Variants in DCBLD2 observed in about 807,000 individuals in gnomAD.
DCBLD2 encodes the protein discoidin, CUB and LCCL domain containing 2, also known as discoidin, CUB and LCCL domain-containing protein 2.
Under a neutral mutation model 86.8 loss-of-function variants are expected in DCBLD2, and 54 were observed. The ratio of observed to expected loss-of-function variants is 0.62; its 90% confidence interval spans 0.50 to 0.78. DCBLD2 has a LOEUF of 0.78. DCBLD2 is among the 30% of genes least tolerant of loss of function. The probability of loss-of-function intolerance (pLI) is 0.00; values close to 1 mark genes in which losing one functional copy is unlikely to be tolerated. For synonymous variants in DCBLD2, 354 were observed against 341.3 expected, an observed-to-expected ratio of 1.04 and a Z score of -0.41; for missense variants, 908 against 954.2, an observed-to-expected ratio of 0.95 and a Z score of 0.64.
chr3:98,837,886 C>T (rs1391440750), intron 3 of DCBLD2, among the ~76,000 whole-genome samples: 711 of 127,592 alleles, frequency 5.6e-3, no homozygotes, highest in Non-Finnish European at 7.3e-3. Context: ...CCCCACCTCC[C>T]TCCCGGATGG....
chr3:98,824,728 C>T (rs995735681), intron 4 of DCBLD2, among the ~76,000 whole-genome samples: 4 of 151,990 alleles, frequency 2.6e-5, no homozygotes, highest in South Asian at 2.1e-4. Context: ...TGTGAAAGAA[C>T]GAGAAGACCA....
At chr3:98,824,553 A>G (rs1414417168) in intron 4 of DCBLD2, among the ~76,000 whole-genome samples, 1 of 152,104 alleles carries the variant, frequency 6.6e-6, no homozygotes, top group Admixed American at 6.5e-5. Context: ...TAAGTTCGGA[A>G]AAGTTAGTAA....
chr3:98,824,455 A>C (rs1321167023), intron 4 of DCBLD2, among the ~76,000 whole-genome samples: 4 of 152,108 alleles, frequency 2.6e-5, no homozygotes, highest in Non-Finnish European at 5.9e-5. Context: ...ACCCCAGCTA[A>C]CGTCCCCCTC....
intron 3 of DCBLD2, among the ~76,000 whole-genome samples, chr3:98,838,206 C>G: frequency 8.2e-6 from 1 of 121,286 alleles, no homozygotes; most frequent in East Asian, 2.6e-4. Context: ...CCTCACTTCC[C>G]AGATGGGGTG....
intron 3 of DCBLD2, among the ~76,000 whole-genome samples, chr3:98,831,254 G>A (rs1942316889): frequency 6.8e-6 from 1 of 147,884 alleles, no homozygotes; most frequent in Admixed American, 6.8e-5. Flanking sequence ...GTTTCATCAT[G>A]TCAGCCAGGC....
At chr3:98,859,587 C>A (rs1943001046) in intron 2 of DCBLD2, among the ~76,000 whole-genome samples, 2 of 152,196 alleles carry the variant, frequency 1.3e-5, no homozygotes, top group Non-Finnish European at 2.9e-5. Context: ...TGTTCTGCAG[C>A]CTCCACTGCT....
intron 1 of DCBLD2, among the ~76,000 whole-genome samples, chr3:98,898,097 C>G (rs1349994358): frequency 6.6e-6 from 1 of 151,920 alleles, no homozygotes; most frequent in Non-Finnish European, 1.5e-5. Context: ...GAACTCTACA[C>G]AAATACAAGC....
At chr3:98,849,024 C>G (rs1942781083) in intron 3 of DCBLD2, among the ~76,000 whole-genome samples, 1 of 151,990 alleles carries the variant, frequency 6.6e-6, no homozygotes, top group Non-Finnish European at 1.5e-5. Context: ...ACAAAATTAG[C>G]TGGGCATGGT....
At chr3:98,897,109 T>C (rs1943763401) in intron 1 of DCBLD2, among the ~76,000 whole-genome samples, 2 of 152,228 alleles carry the variant, frequency 1.3e-5, no homozygotes, top group Non-Finnish European at 2.9e-5. Flanking sequence ...ATTTTACTTA[T>C]GCCAATTCCA....
chr3:98,801,665 A>C lies in DCBLD2; in HGVS notation c.1671-16T>G. Reference sequence around the variant, plus strand: ...TTTTTTCTTTCTGGAAAAATACAGAAGAGAAGTTAGCAAACAGAGTAAATT... The same window carrying C: ...TTTTTTCTTTCTGGAAAAATACAGACGAGAAGTTAGCAAACAGAGTAAATT... On this transcript the variant is annotated splice_polypyrimidine_tract_variant and intron_variant, in intron 13 of 15. Coordinates refer to ENST00000326840, the MANE Select transcript of DCBLD2 (RefSeq NM_080927.4). 6.3e-7 allele frequency: 1 copy of C among 1,596,878 alleles called. No homozygotes were observed. The highest frequency in any genetic ancestry group is 1.1e-5 in the South Asian group (1 of 88,196).
At chr3:98,842,127 T>C (rs1003415359) in intron 3 of DCBLD2, among the ~76,000 whole-genome samples, 1 of 152,154 alleles carries the variant, frequency 6.6e-6, no homozygotes, top group Non-Finnish European at 1.5e-5. Context: ...AATAAGAAAA[T>C]ATAGGCCGAA....
In DCBLD2 at chr3:98,870,738, AAAG is replaced by A. The variant is rs1204324078; in HGVS notation, c.433+10799_433+10801del. ...AGAAAAAGGAAAAGAAAAGAAAGAA[AAAG>A]AAAGAAAGAAAGAAAGAAAGAAAGA... On this transcript the variant is annotated intron_variant, in intron 2 of 15. Transcript: ENST00000326840. 6.0e-4 allele frequency among the ~76,000 whole-genome samples: 8 copies of A among 13,326 alleles called. 2 individuals are homozygous for A. The South Asian group carries it at 0.013, about 21-fold the overall frequency. The allele number at this position is 13,326 out of a possible 152,430, so 8.7% of individuals were successfully genotyped here.
At chr3:98,803,713 C>T (rs1335210605) in intron 13 of DCBLD2, among the ~76,000 whole-genome samples, 19 of 152,216 alleles carry the variant, frequency 1.2e-4, no homozygotes, top group South Asian at 4.2e-4. Flanking sequence ...TTTTGGGATA[C>T]GTCCCATCAA....
chr3:98,895,229 C>G (rs973823869), intron 1 of DCBLD2: 1 of 152,208 alleles, frequency 6.6e-6, no homozygotes, highest in African/African-American at 2.4e-5. Flanking sequence ...AAATTACTTA[C>G]ATGATACGCA....
rs56369137 is a variant in DCBLD2 at position 98,797,036 on chromosome 3, TAA to T, written c.*2334_*2335del. ...ATATGTATCAGACATATAAATGTAG[TAA>T]AAAAAAAAAAAAAAAAAATAGAAAA... On this transcript the variant is annotated 3_prime_UTR_variant, in exon 16 of 16. Coordinates refer to ENST00000326840, the MANE Select transcript of DCBLD2 (RefSeq NM_080927.4). 59,339 of 132,814 alleles carry T rather than the reference TAA, an allele frequency of 0.45. 13,514 individuals are homozygous for T. The highest frequency in any genetic ancestry group is 0.71 in the East Asian group (3,165 of 4,446). The allele number at this position is 132,814 out of a possible 1,614,324, so 8.2% of individuals were successfully genotyped here.
In DCBLD2 at chr3:98,799,594, C is replaced by T. The variant is rs1941677762; in HGVS notation, c.2106G>A (p.Lys702=). ...SVGQPSTSTF[K]ATGNQPPPLV... The stretch of plus-strand genomic sequence containing the variant: ...GTGGGGGAGGTTGGTTCCCCGTAGC[C>T]TTGAAAGTGGATGTGGAGGGCTGAC... The change falls in exon 16 of 16, where the codon AAG becomes AAA. Residue 702 remains lysine, a synonymous_variant. Coordinates refer to ENST00000326840, the MANE Select transcript of DCBLD2 (RefSeq NM_080927.4). The T allele has an allele frequency of 6.2e-7, 1 of 1,613,978 alleles. No individual in the cohort carries two copies. The highest frequency in any genetic ancestry group is 8.5e-7 in the Non-Finnish European group (1 of 1,179,888).
At chr3:98,827,873 TAA>T (rs1049303575) in intron 3 of DCBLD2, among the ~76,000 whole-genome samples, 9 of 152,242 alleles carry the variant, frequency 5.9e-5, no homozygotes, top group African/African-American at 1.9e-4. Context: ...TAGCAATGTA[TAA>T]GTCATCATAA....
chr3:98,897,728 C>T (rs1943774465), intron 1 of DCBLD2, among the ~76,000 whole-genome samples: 1 of 152,064 alleles, frequency 6.6e-6, no homozygotes, highest in African/African-American at 2.4e-5. Context: ...CTAATATCTT[C>T]ACAACATGTT....
chr3:98,848,191 A>G (rs920171501), intron 3 of DCBLD2, among the ~76,000 whole-genome samples: 1 of 152,118 alleles, frequency 6.6e-6, no homozygotes, highest in Non-Finnish European at 1.5e-5. Context: ...TTCATAATTT[A>G]GCTCCTATTT....
Sources: gnomAD v4.1 joint callset for allele counts (sites outside exome capture counted in the v4.1 genomes callset) on GRCh38, gnomAD v4.1.1 for gene constraint, MANE v1.5 for transcripts, NCBI Gene and HGNC (gene_info 2026-07-23, HGNC 2026-07-21) for gene names.